Variants in MICU3 observed in about 807,000 individuals in gnomAD.
MICU3 encodes the protein calcium uptake protein 3, mitochondrial.
In MICU3, 62 loss-of-function variants were observed where a neutral mutation model predicts 66.5. That is an observed-to-expected ratio of 0.93 (90% CI 0.76 to 1.15). MICU3 has a LOEUF of 1.15. Ranked by LOEUF, MICU3 falls within the 50% of genes most tolerant of loss-of-function variation. MICU3 has a pLI of 0.00. For synonymous variants in MICU3, 308 were observed against 240.7 expected, an observed-to-expected ratio of 1.28 and a Z score of -2.59; for missense variants, 779 against 664.4, an observed-to-expected ratio of 1.17 and a Z score of -1.90.
At chr8:17,135,593 T>C in the MICU3 span, among the ~76,000 whole-genome samples, 1 of 152,086 alleles carries the variant, frequency 6.6e-6, no homozygotes. Flanking sequence ...CTTTGCCCTA[T>C]CTACATTATT....
chr8:17,027,568 G>T lies in MICU3; in HGVS notation c.289G>T (p.Gly97Trp). 1 of 1,281,178 alleles carries T rather than the reference G, an allele frequency of 7.8e-7. No individual in the cohort carries two copies. Among genetic ancestry groups the T allele is most frequent in the East Asian group, 3.1e-5 (1 of 31,934 alleles). The allele number at this position is 1,281,178 out of a possible 1,614,324, so 79.4% of individuals were successfully genotyped here. A position where few individuals can be genotyped will look rare whatever the true frequency, so the allele number is the denominator to read the frequency against. Reference sequence around the variant, plus strand: ...CCCCAGGGCCGGCTCGCCGGCGACCGGGCGACCCTCAAAGAGCGCGGCCAC... The same window carrying T: ...CCCCAGGGCCGGCTCGCCGGCGACCTGGCGACCCTCAAAGAGCGCGGCCAC... ...GDPRAGSPAT[G>W]RPSKSAATEP... The change falls in exon 1 of 15, where the codon GGG becomes TGG. Residue 97 changes from glycine (G) to tryptophan (W), a missense_variant. Physicochemically the swap from Gly to Trp is radical, Grantham distance 184 (BLOSUM62 -2). Coordinates refer to ENST00000318063, the MANE Select transcript of MICU3 (RefSeq NM_181723.3).
chr8:17,087,919 C>T (rs1040411920), intron 7 of MICU3, among the ~76,000 whole-genome samples: 7 of 151,974 alleles, frequency 4.6e-5, no homozygotes, highest in African/African-American at 1.7e-4. Flanking sequence ...GTTTCATTTG[C>T]AAATTGATGG....
chr8:17,129,508 A>C, the MICU3 span, among the ~76,000 whole-genome samples: 1 of 152,246 alleles, frequency 6.6e-6, no homozygotes, highest in African/African-American at 2.4e-5. Context: ...TACTTGAAAT[A>C]AAAATTCATT....
At chr8:17,062,077 G>C (rs1423051363) in intron 1 of MICU3, among the ~76,000 whole-genome samples, 3 of 152,084 alleles carry the variant, frequency 2.0e-5, no homozygotes, top group Non-Finnish European at 4.4e-5. Context: ...AAACTCCGGG[G>C]CTTTAGTCTG....
chr8:17,051,847 G>A lies in MICU3; in HGVS notation c.382-12237G>A, dbSNP rs555757680. ...CACTCTCCAGTAGCCTTGCTGTAAA[G>A]GGAAGGAGAAAAATGGCAGGGAGGA... On this transcript the variant is annotated intron_variant, in intron 1 of 14. Coordinates refer to ENST00000318063, the MANE Select transcript of MICU3 (RefSeq NM_181723.3). Among the ~76,000 whole-genome samples, 6 of 152,194 alleles carry A rather than the reference G, an allele frequency of 3.9e-5. No homozygotes were observed. The South Asian group carries it at 1.2e-3, about 32-fold the overall frequency.
At chr8:17,106,546 C>CTTT (rs36068857) in intron 11 of MICU3, among the ~76,000 whole-genome samples, 2 of 136,820 alleles carry the variant, frequency 1.5e-5, no homozygotes, top group Admixed American at 1.5e-4. Flanking sequence ...CTTGAATCTG[C>CTTT]TTTTTTTTTT....
chr8:17,093,449 C>A (rs779289014), intron 8 of MICU3, among the ~76,000 whole-genome samples: 1 of 151,756 alleles, frequency 6.6e-6, no homozygotes, highest in Non-Finnish European at 1.5e-5. Context: ...TGTGTATTTT[C>A]CAGTTTGGGG....
intron 11 of MICU3, among the ~76,000 whole-genome samples, chr8:17,112,459 C>G (rs566977893): frequency 1.9e-4 from 29 of 152,294 alleles, no homozygotes; most frequent in Middle Eastern, 3.4e-3. Flanking sequence ...CTCTGACTGT[C>G]TGTCCCTCTT....
At chr8:17,074,951 G>A (rs1820156761) in intron 3 of MICU3, among the ~76,000 whole-genome samples, 2 of 151,886 alleles carry the variant, frequency 1.3e-5, no homozygotes, top group Non-Finnish European at 2.9e-5. Context: ...TGCAAGTTTC[G>A]GGGCTCCAGG....
At chr8:17,131,826 G>A in the MICU3 span, 1 of 152,138 alleles carries the variant, frequency 6.6e-6, no homozygotes, top group African/African-American at 2.4e-5. Context: ...CGGCTAGCTA[G>A]CAAAGGAGAA....
At chr8:17,049,657 A>G (rs1815720816) in intron 1 of MICU3, 1 of 517,230 alleles carries the variant, frequency 1.9e-6, no homozygotes, top group Non-Finnish European at 3.9e-6. Context: ...TTTCATTCCA[A>G]TATAACAAGT....
rs372690883 is a variant in MICU3, at chr8:17,075,164, A to G, written c.568-2619A>G. Among the ~76,000 whole-genome samples the G allele has an allele frequency of 7.9e-5, 12 of 152,238 alleles. No individual in the cohort carries two copies. The East Asian group carries it at 2.3e-3, about 30-fold the overall frequency. On this transcript the variant is annotated intron_variant, in intron 3 of 14. Coordinates refer to ENST00000318063, the MANE Select transcript of MICU3 (RefSeq NM_181723.3). The stretch of plus-strand genomic sequence containing the variant: ...GGAAGGTCCTGAACACAGAGCTTCT[A>G]TGCCTTCTTTGAGAACATGGAGTTG...
At chr8:17,116,631 T>A in intron 13 of MICU3, 31 bp downstream of exon 13, 1 of 1,474,934 alleles carries the variant, frequency 6.8e-7, no homozygotes, top group Non-Finnish European at 9.1e-7. Context: ...CCTATTGATA[T>A]CCTTTTTAAA....
the MICU3 span, among the ~76,000 whole-genome samples, chr8:17,129,554 T>A: frequency 6.6e-6 from 1 of 152,064 alleles, no homozygotes; most frequent in Non-Finnish European, 1.5e-5. Context: ...ACAGAAGAAA[T>A]GATCAGTAAA....
At chr8:17,069,792 T>G (rs1046780612) in intron 3 of MICU3, 73 bp downstream of exon 3, 1 of 503,154 alleles carries the variant, frequency 2.0e-6, no homozygotes, top group African/African-American at 2.0e-5. Context: ...AATTAAAATA[T>G]ATTTCATAAA....
At chr8:17,091,943 T>A (rs1372489524) in intron 8 of MICU3, among the ~76,000 whole-genome samples, 1 of 152,056 alleles carries the variant, frequency 6.6e-6, no homozygotes, top group Non-Finnish European at 1.5e-5. Context: ...AGTGGCATGA[T>A]CTCAGCTCAC....
intron 1 of MICU3, among the ~76,000 whole-genome samples, chr8:17,060,654 T>C (rs1330995537): frequency 6.6e-6 from 1 of 152,144 alleles, no homozygotes; most frequent in Non-Finnish European, 1.5e-5. Flanking sequence ...TGAGTGGTAT[T>C]GGTGTGTTTT....
intron 1 of MICU3, among the ~76,000 whole-genome samples, chr8:17,060,325 C>T (rs1475577996): frequency 1.3e-5 from 2 of 150,442 alleles, no homozygotes; most frequent in East Asian, 3.9e-4. Context: ...GAGACAGAGT[C>T]TCGTGCTGTC....
At chr8:17,112,344 A>G (rs1339673974) in intron 11 of MICU3, among the ~76,000 whole-genome samples, 2 of 152,198 alleles carry the variant, frequency 1.3e-5, no homozygotes, top group African/African-American at 2.4e-5. Context: ...TATTTCTAAC[A>G]GTTAAGACAA....
Sources: allele counts gnomAD v4.1 joint callset (sites outside exome capture counted in the v4.1 genomes callset), GRCh38; gene constraint gnomAD v4.1.1; transcripts MANE v1.5; gene names NCBI Gene and HGNC (gene_info 2026-07-23, HGNC 2026-07-21).